ZNF385D: variants seen among roughly 807,000 people sequenced by gnomAD.
The protein encoded by ZNF385D is zinc finger protein 659.
ZNF385D carries 15 observed loss-of-function variants against 35.8 expected under a neutral mutation model. The observed-to-expected ratio is 0.42, with a 90% CI of 0.28 to 0.64. ZNF385D has a LOEUF of 0.64. ZNF385D is among the 30% of genes least tolerant of loss of function. ZNF385D has a pLI of 0.23. For synonymous variants in ZNF385D, 212 were observed against 186.8 expected (o/e 1.13, Z -1.10); for missense variants, 474 against 494.6 (o/e 0.96, Z 0.39).
At chr3:21,729,427 C>T (rs879384567) in intron 1 of ZNF385D, among the ~76,000 whole-genome samples, 5 of 152,040 alleles carry the variant, frequency 3.3e-5, no homozygotes, top group Non-Finnish European at 7.4e-5. Flanking sequence ...CCCACTCCAC[C>T]GTCTTTAAAG....
chr3:22,109,078 A>C (rs914824057), intron 3 of ZNF385D, among the ~76,000 whole-genome samples: 1 of 152,124 alleles, frequency 6.6e-6, no homozygotes, highest in African/African-American at 2.4e-5. Flanking sequence ...CATAGTAATT[A>C]TTTGTCTCCA....
intron 3 of ZNF385D, among the ~76,000 whole-genome samples, chr3:21,793,575 A>G (rs1430251361): frequency 6.6e-6 from 1 of 152,210 alleles, no homozygotes; most frequent in African/African-American, 2.4e-5. Context: ...CAAAGTGCAA[A>G]CCACTTCCTA....
intron 4 of ZNF385D, among the ~76,000 whole-genome samples, chr3:21,437,707 A>AAAAAAAAAAAAC (rs1701636775): frequency 7.2e-6 from 1 of 138,182 alleles, no homozygotes; most frequent in Non-Finnish European, 1.5e-5. Flanking sequence ...TATACAAAAA[A>AAAAAAAAAAAAC]AAAAAAAAAA....
At chr3:22,212,949 C>G (rs888755397) in intron 2 of ZNF385D, among the ~76,000 whole-genome samples, 1 of 151,804 alleles carries the variant, frequency 6.6e-6, no homozygotes, top group Non-Finnish European at 1.5e-5. Context: ...AATTTAGAAC[C>G]AATAGACTGT....
chr3:22,034,495 A>T (rs1485557181), intron 3 of ZNF385D, among the ~76,000 whole-genome samples: 1 of 152,182 alleles, frequency 6.6e-6, no homozygotes, highest in Non-Finnish European at 1.5e-5. Context: ...TGATCTCAAA[A>T]AGCAGAATTT....
intron 1 of ZNF385D, among the ~76,000 whole-genome samples, chr3:21,704,042 T>C (rs1303287035): frequency 1.3e-5 from 2 of 152,212 alleles, no homozygotes; most frequent in Non-Finnish European, 2.9e-5. Flanking sequence ...TGAAAAGAAA[T>C]TGTTGTGCCC....
intron 3 of ZNF385D, among the ~76,000 whole-genome samples, chr3:21,813,508 T>C (rs1403123729): frequency 6.6e-6 from 1 of 152,150 alleles, no homozygotes; most frequent in Non-Finnish European, 1.5e-5. Flanking sequence ...AGACCTTAAA[T>C]GACCTGATGG....
chr3:21,837,870 C>CAAAA (rs57424579), intron 3 of ZNF385D, among the ~76,000 whole-genome samples: 29,199 of 137,894 alleles, frequency 0.21, 3,118 homozygotes, highest in Admixed American at 0.25. Flanking sequence ...GACTCCATCT[C>CAAAA]AAAAAAAAAA....
chr3:22,216,853 T>C (rs910177826), intron 2 of ZNF385D, among the ~76,000 whole-genome samples: 2 of 152,078 alleles, frequency 1.3e-5, no homozygotes, highest in Non-Finnish European at 2.9e-5. Flanking sequence ...CAAAAAAGCC[T>C]CCCATGCCTA....
intron 2 of ZNF385D, among the ~76,000 whole-genome samples, chr3:22,213,203 G>A (rs1285711998): frequency 6.6e-6 from 1 of 152,056 alleles, no homozygotes; most frequent in East Asian, 1.9e-4. Context: ...GAAATATAAG[G>A]GGGATTTGAC....
chr3:21,591,219 C>A (rs2063967604), intron 2 of ZNF385D, among the ~76,000 whole-genome samples: 1 of 152,018 alleles, frequency 6.6e-6, no homozygotes, highest in Admixed American at 6.6e-5. Flanking sequence ...TGAGGTTCCT[C>A]ATACTTTCTT....
chr3:21,964,412 TAAAAA>T lies in ZNF385D; in HGVS notation c.325+204400_325+204404del, dbSNP rs60635259. On this transcript the variant is annotated intron_variant, in intron 3 of 5. Transcript: ENST00000494108. ...CTGGCTCTACAGTTGGTCCTTTTTGTAAAAAAAAAAAAAAAAAAAAGAAAAAAAAA... is the reference window on the plus strand; with the variant it reads ...CTGGCTCTACAGTTGGTCCTTTTTGTAAAAAAAAAAAAAAAGAAAAAAAAA... Among the ~76,000 whole-genome samples, 65 of 71,500 alleles carry T rather than the reference TAAAAA, an allele frequency of 9.1e-4. 1 individual carries two copies. The highest frequency in any genetic ancestry group is 1.0e-3 in the Non-Finnish European group (38 of 36,334). 46.9% of individuals were successfully genotyped at this position (71,500 alleles called of 152,430 possible). A position where few individuals can be genotyped will look rare whatever the true frequency, so the allele number is the denominator to read the frequency against.
At chr3:21,835,470 G>A (rs1254432609) in intron 3 of ZNF385D, among the ~76,000 whole-genome samples, 34 of 150,084 alleles carry the variant, frequency 2.3e-4, no homozygotes, top group Non-Finnish European at 3.0e-5. Flanking sequence ...GTCTTCTCAG[G>A]AATGTGGTAA....
chr3:21,988,975 G>A lies in ZNF385D; in HGVS notation c.325+179842C>T, dbSNP rs113310859. On this transcript the variant is annotated intron_variant, in intron 3 of 5. Transcript: ENST00000494108. ...CCTTTCTTTGACTTGGACCCCTTGC[G>A]CTTCCCAGGTGAGGCAATGCCTCGC... 3.9e-5 allele frequency among the ~76,000 whole-genome samples: 6 copies of A among 152,190 alleles called. No individual in the cohort carries two copies. In the South Asian group the frequency reaches 6.2e-4, roughly 16 times the overall value.
At chr3:21,728,607 A>G (rs901099938) in intron 1 of ZNF385D, among the ~76,000 whole-genome samples, 1 of 152,172 alleles carries the variant, frequency 6.6e-6, no homozygotes, top group Non-Finnish European at 1.5e-5. Flanking sequence ...TTGCTTTTCC[A>G]AGGTTAGTGC....
intron 3 of ZNF385D, among the ~76,000 whole-genome samples, chr3:21,830,887 T>C (rs975870382): frequency 3.3e-5 from 5 of 152,306 alleles, no homozygotes; most frequent in African/African-American, 9.6e-5. Context: ...ATTGATCCAA[T>C]TTATTCACCC....
Position 22,008,360 on chromosome 3 carries a change from C to CATTTTTTTT in ZNF385D, c.325+160456_325+160457insAAAAAAAAT, listed in dbSNP as rs773952386. ...TCACTTTCATACAGGCCATGATTTT[C>CATTTTTTTT]TTTTTTTTTTTTGAGGCGGAGTCTC... On this transcript the variant is annotated intron_variant, in intron 3 of 5. Coordinates refer to the ZNF385D transcript ENST00000494108. Among the ~76,000 whole-genome samples the CATTTTTTTT allele has an allele frequency of 2.9e-4, 38 of 131,944 alleles. 8 individuals are homozygous for CATTTTTTTT. The highest frequency in any genetic ancestry group is 3.9e-3 in the Middle Eastern group (1 of 254). The allele number at this position is 131,944 out of a possible 152,430, so 86.6% of individuals were successfully genotyped here. A position where few individuals can be genotyped will look rare whatever the true frequency, so the allele number is the denominator to read the frequency against.
intron 3 of ZNF385D, among the ~76,000 whole-genome samples, chr3:22,073,876 G>A (rs4858376): frequency 4.6e-5 from 7 of 151,908 alleles, no homozygotes; most frequent in East Asian, 1.9e-4. Context: ...CAGCCTTTAC[G>A]ATTGTTTTAT....
At chr3:22,226,092 G>A (rs978541587) in intron 2 of ZNF385D, among the ~76,000 whole-genome samples, 2 of 151,112 alleles carry the variant, frequency 1.3e-5, no homozygotes, top group Non-Finnish European at 1.5e-5. Flanking sequence ...ATGTGGAAAA[G>A]AATCTTCTCT....
Sources: allele counts gnomAD v4.1 joint callset (sites outside exome capture counted in the v4.1 genomes callset), GRCh38; gene constraint gnomAD v4.1.1; transcripts MANE v1.5; gene names NCBI Gene and HGNC (gene_info 2026-07-23, HGNC 2026-07-21).